The following MED13 variants were observed in gnomAD, a reference collection of about 807,000 sequenced individuals.
MED13 encodes the protein mediator complex subunit 13.
In MED13, 23 loss-of-function variants were observed where a neutral mutation model predicts 225.2. The ratio of observed to expected loss-of-function variants is 0.10; its 90% CI spans 0.07 to 0.14. The LOEUF (loss-of-function observed/expected upper bound fraction) is 0.14, where lower values mean the gene tolerates loss of function less well. Among genes scored for constraint, MED13 ranks in the 10% least tolerant of loss-of-function variants. The pLI, the probability that MED13 is intolerant of heterozygous loss-of-function variation, is 1.00. For missense variants in MED13, 2,197 were observed against 2,594.5 expected (o/e 0.85, Z 3.33); for synonymous variants, 942 against 889.2 (o/e 1.06, Z -1.06).
chr17:62,050,776 G>C (rs1366733599), intron 3 of MED13, among the ~76,000 whole-genome samples: 3 of 152,290 alleles, frequency 2.0e-5, no homozygotes, highest in African/African-American at 7.2e-5. Flanking sequence ...GGCCGAGGCG[G>C]GTGGATTGCC....
rs2080211334 is a variant in MED13 at position 61,982,291 on chromosome 17, G to GTTCTAA, written c.3706_3711dup (p.Leu1236_Glu1237dup). The GTTCTAA allele has an allele frequency of 1.2e-6, 2 of 1,614,160 alleles. No individual in the cohort carries two copies. The highest frequency in any genetic ancestry group is 1.7e-6 in the Non-Finnish European group (2 of 1,180,024). On this transcript the variant is annotated inframe_insertion, in exon 16 of 30. Coordinates refer to ENST00000397786, the MANE Select transcript of MED13 (RefSeq NM_005121.3). ...ATGTTATCCATGAACTGACGCCCAT[G>GTTCTAA]TTCTAATGCAAGGTAGCAGTCATTG...
intron 23 of MED13, 150 bp downstream of exon 23, chr17:61,960,717 T>A (rs2079991297): frequency 2.0e-6 from 1 of 501,418 alleles, no homozygotes; most frequent in African/African-American, 1.9e-5. Flanking sequence ...AATATAAACA[T>A]TCACTAAAGA....
chr17:62,035,153 A>G (rs1476029001), intron 4 of MED13, among the ~76,000 whole-genome samples: 2 of 152,008 alleles, frequency 1.3e-5, no homozygotes, highest in Admixed American at 6.6e-5. Context: ...CAAACAAAAT[A>G]TGGCTTATAT....
chr17:61,964,923 G>A (rs1398224003), intron 20 of MED13, 83 bp downstream of exon 20: 1 of 1,321,806 alleles, frequency 7.6e-7, no homozygotes, highest in Non-Finnish European at 1.0e-6. Context: ...GCAAAAGAGT[G>A]AGACTGTGTC....
At position 61,961,069 on chromosome 17, in the gene MED13, A is replaced by G. The variant is rs2079994361; in HGVS notation, c.5278T>C (p.Tyr1760His). The G allele has an allele frequency of 1.2e-6, 2 of 1,613,714 alleles. No homozygotes were observed. The highest frequency in any genetic ancestry group is 2.2e-5 in the East Asian group (1 of 44,834). Residue 1760 changes from tyrosine (Y) to histidine (H), a missense_variant, in exon 23 of 30, where the codon TAT becomes CAT. By Grantham distance (83) the Tyr-to-His change is moderately conservative. Transcript: ENST00000397786. Reference sequence around the variant, plus strand: ...GGAGCCAGAATAAAAGGAGGTGCATAAAGTCGAATACACTCTGGTCTCTAT... The same window carrying G: ...GGAGCCAGAATAAAAGGAGGTGCATGAAGTCGAATACACTCTGGTCTCTAT... ...SPDRPECIRL[Y>H]APPFILAPVK... is the part of the protein sequence containing the mutation.
At chr17:62,015,948 ATATATATTTTTTTTTTTTTT>A (rs1289146569) in intron 8 of MED13, among the ~76,000 whole-genome samples, 387 of 14,638 alleles carry the variant, frequency 0.026, 16 homozygotes, top group South Asian at 0.034. Context: ...ATATATATAT[ATATATATTTTTTTTTTTTTT>A]TTTTTTTTTT....
chr17:62,041,488 G>C (rs1162073771), intron 3 of MED13, among the ~76,000 whole-genome samples: 4 of 152,194 alleles, frequency 2.6e-5, no homozygotes, highest in Non-Finnish European at 5.9e-5. Context: ...TTAACAATGT[G>C]AATGTACTTA....
At chr17:61,970,679 C>CAA (rs10600340) in intron 17 of MED13, among the ~76,000 whole-genome samples, 925 of 46,538 alleles carry the variant, frequency 0.02, 37 homozygotes, top group Middle Eastern at 0.036. Flanking sequence ...GAGACTGTCT[C>CAA]AAAAAAAAAA....
chr17:62,001,863 A>G (rs2080398328), intron 9 of MED13, among the ~76,000 whole-genome samples: 2 of 152,166 alleles, frequency 1.3e-5, no homozygotes, highest in Non-Finnish European at 2.9e-5. Flanking sequence ...TTTTATTGAA[A>G]CTGATTTTAA....
intron 3 of MED13, among the ~76,000 whole-genome samples, chr17:62,051,204 A>C (rs1603409603): frequency 6.6e-6 from 1 of 152,160 alleles, no homozygotes; most frequent in Admixed American, 6.5e-5. Context: ...TGTCAACTAA[A>C]GTTTCCAGAA....
intron 17 of MED13, among the ~76,000 whole-genome samples, chr17:61,969,044 G>A (rs1210731345): frequency 6.6e-6 from 1 of 152,070 alleles, no homozygotes; most frequent in Non-Finnish European, 1.5e-5. Flanking sequence ...GAGCCACCAC[G>A]TCTGGTCTGC....
chr17:61,948,882 C>A (rs959790140), intron 28 of MED13, among the ~76,000 whole-genome samples: 7 of 150,916 alleles, frequency 4.6e-5, no homozygotes, highest in Admixed American at 2.6e-4. Context: ...GTCAGGAGAT[C>A]GAGACCATCC....
At chr17:62,021,408 G>A (rs567871984) in intron 8 of MED13, among the ~76,000 whole-genome samples, 6,618 of 142,774 alleles carry the variant, frequency 0.046, 375 homozygotes, top group Non-Finnish European at 0.069. Context: ...GCGGCTGGCC[G>A]GGCAGGGGGC....
At chr17:61,989,588 T>A (rs903399386) in intron 11 of MED13, among the ~76,000 whole-genome samples, 6 of 152,228 alleles carry the variant, frequency 3.9e-5, no homozygotes, top group Admixed American at 3.9e-4. Context: ...TCTGCCCACC[T>A]TGGCCTCCCA....
intron 3 of MED13, among the ~76,000 whole-genome samples, chr17:62,045,192 A>C (rs1004842927): frequency 2.6e-5 from 4 of 152,202 alleles, no homozygotes; most frequent in Non-Finnish European, 4.4e-5. Context: ...TATATACGTA[A>C]GATACTGAAC....
In MED13 at chr17:61,965,019, C is replaced by G. The variant is rs772609873; in HGVS notation, c.4831G>C (p.Asp1611His). The change falls in exon 20 of 30, where the codon GAT (aspartate) becomes CAT (histidine). Residue 1611 changes from aspartate to histidine, a missense_variant. By Grantham distance (81) the Asp-to-His change is moderately conservative. Coordinates refer to ENST00000397786, the MANE Select transcript of MED13 (RefSeq NM_005121.3). The part of the protein sequence containing the change: ...SSSLPTQPHP[D>H]VSESTMDRDK... ...TTTTAAAGGTACCTTTCAGACACAT[C>G]AGGATGCGGCTGAGTGGGAAGTGAA... 5.6e-6 allele frequency: 9 copies of G among 1,613,702 alleles called. No individual in the cohort carries two copies. Among genetic ancestry groups the G allele is most frequent in the African/African-American group, 1.3e-5 (1 of 74,912 alleles).
chr17:61,992,357 C>A (rs781745191), intron 11 of MED13, among the ~76,000 whole-genome samples, 183 bp downstream of exon 11: 44 of 152,300 alleles, frequency 2.9e-4, no homozygotes, highest in Non-Finnish European at 5.0e-4. Context: ...AACACAAATT[C>A]TATCACCTGA....
chr17:61,999,579 T>A (rs2143536781), intron 9 of MED13, among the ~76,000 whole-genome samples: 2 of 152,332 alleles, frequency 1.3e-5, no homozygotes, highest in Admixed American at 1.3e-4. Flanking sequence ...CTCCAACCTC[T>A]CCTTCCCCAC....
chr17:62,057,951 G>A (rs1005421009), intron 2 of MED13, among the ~76,000 whole-genome samples: 10 of 152,042 alleles, frequency 6.6e-5, no homozygotes, highest in African/African-American at 2.4e-4. Context: ...TAAAGGGAAA[G>A]AATAAAAGCC....
Sources: gnomAD v4.1 joint callset for allele counts (sites outside exome capture counted in the v4.1 genomes callset) on GRCh38, gnomAD v4.1.1 for gene constraint, MANE v1.5 for transcripts, NCBI Gene and HGNC (gene_info 2026-07-23, HGNC 2026-07-21) for gene names.